The following CPNE8 variants were observed in gnomAD, a reference collection of about 807,000 sequenced individuals.
The protein encoded by CPNE8 is copine 8.
A neutral mutation model predicts 81.5 loss-of-function variants in CPNE8; 45 were observed. The ratio of observed to expected loss-of-function variants is 0.55; its 90% CI spans 0.44 to 0.71. CPNE8 has a LOEUF of 0.71. Ranked by LOEUF, CPNE8 falls within the 30% of genes least tolerant of loss-of-function variation. The pLI, the probability that CPNE8 is intolerant of heterozygous loss-of-function variation, is 0.00. For synonymous variants in CPNE8, 252 were observed against 226.3 expected, an observed-to-expected ratio of 1.11 and a Z score of -1.02; for missense variants, 594 against 672.1, an observed-to-expected ratio of 0.88 and a Z score of 1.28.
At chr12:38,706,507 C>G (rs1052616124) in intron 13 of CPNE8, among the ~76,000 whole-genome samples, 1 of 152,062 alleles carries the variant, frequency 6.6e-6, no homozygotes, top group Non-Finnish European at 1.5e-5. Flanking sequence ...CATGCTTGGG[C>G]AAATTTTTCC....
intron 1 of CPNE8, among the ~76,000 whole-genome samples, chr12:38,895,705 G>C (rs1944379880): frequency 6.6e-6 from 1 of 152,056 alleles, no homozygotes; most frequent in African/African-American, 2.4e-5. Flanking sequence ...TTGTGGTAGA[G>C]TAGTGTTGAT....
At chr12:38,871,178 C>G (rs1392272982) in intron 3 of CPNE8, among the ~76,000 whole-genome samples, 1 of 152,204 alleles carries the variant, frequency 6.6e-6, no homozygotes, top group Non-Finnish European at 1.5e-5. Context: ...TCAGCACCCA[C>G]TTAAGAATTA....
In CPNE8 at chr12:38,702,938, C is replaced by A; in HGVS notation, c.915-17G>T. 6.5e-7 allele frequency: 1 copy of A among 1,538,070 alleles called. No homozygotes were observed. The highest frequency in any genetic ancestry group is 8.8e-7 in the Non-Finnish European group (1 of 1,130,456). On this transcript the variant is annotated splice_polypyrimidine_tract_variant and intron_variant, in intron 13 of 19. Coordinates refer to ENST00000331366, the MANE Select transcript of CPNE8 (RefSeq NM_153634.3). ...ATTTGCGTCCTGGAATAGAAGTAAA[C>A]AAGACTCATTAATAATGAAATAACC...
chr12:38,714,419 A>G (rs1450085825), intron 13 of CPNE8, among the ~76,000 whole-genome samples: 1 of 152,076 alleles, frequency 6.6e-6, no homozygotes, highest in African/African-American at 2.4e-5. Context: ...TAATAAGTAA[A>G]GACAAATAAA....
At chr12:38,741,747 G>A (rs547387266) in intron 10 of CPNE8, among the ~76,000 whole-genome samples, 89 of 152,186 alleles carry the variant, frequency 5.8e-4, no homozygotes, top group African/African-American at 2.1e-3. Context: ...CCTACAGAAT[G>A]GGAGAAAATT....
In CPNE8 at chr12:38,693,682, CCATCTGGAGGCAGTT is replaced by C. The variant is rs1939728573; in HGVS notation, c.1103_1117del (p.Lys368_Gly373delinsArg). ...CAAAGCAAATTCGTGAGATATCCTTCCATCTGGAGGCAGTTTTGCACCAAATCCTAGAGCTGGAAA... is the reference window on the plus strand; with the variant it reads ...CAAAGCAAATTCGTGAGATATCCTTCTTGCACCAAATCCTAGAGCTGGAAA... On this transcript the variant is annotated inframe_deletion, in exon 15 of 20. Coordinates refer to ENST00000331366, the MANE Select transcript of CPNE8 (RefSeq NM_153634.3). 1.2e-6 allele frequency: 2 copies of C among 1,610,498 alleles called. No homozygotes were observed. Among genetic ancestry groups the C allele is most frequent in the Non-Finnish European group, 1.7e-6 (2 of 1,178,832 alleles).
chr12:38,705,481 T>A (rs1320663048), intron 13 of CPNE8, among the ~76,000 whole-genome samples: 1 of 151,672 alleles, frequency 6.6e-6, no homozygotes, highest in Non-Finnish European at 1.5e-5. Flanking sequence ...TATATGGTAT[T>A]TTTTTCTCAG....
intron 6 of CPNE8, among the ~76,000 whole-genome samples, chr12:38,798,654 A>C (rs1471799064): frequency 2.6e-5 from 4 of 152,090 alleles, no homozygotes; most frequent in Non-Finnish European, 5.9e-5. Flanking sequence ...CGAGCAAAAT[A>C]ACGAGCTAAC....
chr12:38,799,809 G>T (rs11522906), intron 6 of CPNE8, among the ~76,000 whole-genome samples: 7 of 137,530 alleles, frequency 5.1e-5, no homozygotes, highest in African/African-American at 1.7e-4. Flanking sequence ...CGCACCGTGC[G>T]CGAGCCGAAG....
intron 3 of CPNE8, among the ~76,000 whole-genome samples, chr12:38,852,348 G>A (rs1350868955): frequency 1.4e-5 from 2 of 147,142 alleles, no homozygotes; most frequent in Non-Finnish European, 3.0e-5. Flanking sequence ...AGAATGGCAT[G>A]AACCTGGGAA....
At chr12:38,684,483 C>T (rs1449496426) in intron 16 of CPNE8, among the ~76,000 whole-genome samples, 4 of 151,826 alleles carry the variant, frequency 2.6e-5, no homozygotes, top group Non-Finnish European at 5.9e-5. Context: ...AAATTCAAGC[C>T]GAAGGGTCAC....
intron 15 of CPNE8, among the ~76,000 whole-genome samples, chr12:38,687,662 G>A (rs371513352): frequency 9.2e-5 from 14 of 152,218 alleles, no homozygotes; most frequent in East Asian, 1.9e-4. Context: ...GATTACAGGC[G>A]TGAGCCACCG....
intron 6 of CPNE8, among the ~76,000 whole-genome samples, chr12:38,795,649 T>C (rs932458756): frequency 6.6e-6 from 1 of 152,146 alleles, no homozygotes; most frequent in Non-Finnish European, 1.5e-5. Context: ...CCCACATATA[T>C]GAAATATCTA....
At chr12:38,731,120 C>T (rs879528125) in intron 10 of CPNE8, among the ~76,000 whole-genome samples, 1 of 151,910 alleles carries the variant, frequency 6.6e-6, no homozygotes, top group African/African-American at 2.4e-5. Context: ...ATGGCCAGTG[C>T]TAAGTTGAAC....
At chr12:38,866,944 C>T (rs1014035050) in intron 3 of CPNE8, among the ~76,000 whole-genome samples, 4 of 152,060 alleles carry the variant, frequency 2.6e-5, no homozygotes, top group Non-Finnish European at 5.9e-5. Context: ...CTGCAACCTC[C>T]GACTACTAGG....
At chr12:38,838,319 G>C (rs1403654928) in intron 5 of CPNE8, among the ~76,000 whole-genome samples, 2 of 152,078 alleles carry the variant, frequency 1.3e-5, no homozygotes, top group Non-Finnish European at 2.9e-5. Context: ...ATGGTAAAAA[G>C]AATATGTGGC....
At chr12:38,834,137 T>G (rs1592127950) in intron 5 of CPNE8, among the ~76,000 whole-genome samples, 1 of 152,330 alleles carries the variant, frequency 6.6e-6, no homozygotes, top group East Asian at 1.9e-4. Context: ...CCTAGCTGGC[T>G]TTTAAAATGA....
rs549267698 is a variant in CPNE8, at chr12:38,653,612, T to C, written c.*270A>G. The C allele has an allele frequency of 1.3e-5, 1 of 79,230 alleles. No individual in the cohort carries two copies. Among genetic ancestry groups the C allele is most frequent in the South Asian group, 1.5e-4 (1 of 6,470 alleles). 4.9% of individuals were successfully genotyped at this position (79,230 alleles called of 1,614,324 possible). Reference sequence around the variant, plus strand: ...AACAATACATTGGAAATTAGCTGTTTCTGTTAAAAAAAAAAAGAAAGAAAG... The same window carrying C: ...AACAATACATTGGAAATTAGCTGTTCCTGTTAAAAAAAAAAAGAAAGAAAG... On this transcript the variant is annotated 3_prime_UTR_variant, in exon 20 of 20. Transcript: ENST00000331366.
chr12:38,799,798 G>T (rs917505065), intron 6 of CPNE8, among the ~76,000 whole-genome samples: 1 of 141,652 alleles, frequency 7.1e-6, no homozygotes, highest in South Asian at 2.3e-4. Context: ...CAGTGTGTGC[G>T]CGCACCGTGC....
Sources: allele counts gnomAD v4.1 joint callset (sites outside exome capture counted in the v4.1 genomes callset), GRCh38; gene constraint gnomAD v4.1.1; transcripts MANE v1.5; gene names NCBI Gene and HGNC (gene_info 2026-07-23, HGNC 2026-07-21).